SEC24A: variants seen among roughly 807,000 people sequenced by gnomAD.
The protein encoded by SEC24A is protein transport protein Sec24A.
SEC24A carries 93 observed loss-of-function variants against 129.4 expected under a neutral mutation model. The ratio of observed to expected loss-of-function variants is 0.72; its 90% CI spans 0.61 to 0.85. The LOEUF is 0.85. Ranked by LOEUF, SEC24A falls within the 40% of genes least tolerant of loss-of-function variation. The pLI, the probability that SEC24A is intolerant of heterozygous loss-of-function variation, is 0.00. For missense variants in SEC24A, 1,264 were observed against 1,307.4 expected, an observed-to-expected ratio of 0.97 and a Z score of 0.51; for synonymous variants, 460 against 467.3, an observed-to-expected ratio of 0.98 and a Z score of 0.20.
chr5:134,713,173 C>A (rs1453907500), intron 18 of SEC24A, among the ~76,000 whole-genome samples: 1 of 152,072 alleles, frequency 6.6e-6, no homozygotes, highest in Non-Finnish European at 1.5e-5. Flanking sequence ...CCTTGTGATC[C>A]ACCCGCCTCG....
At chr5:134,719,322 C>T (rs1159666248) in intron 20 of SEC24A, among the ~76,000 whole-genome samples, 2 of 147,084 alleles carry the variant, frequency 1.4e-5, no homozygotes, top group African/African-American at 5.1e-5. Flanking sequence ...GCTGAGGCTT[C>T]AGTAAGCTGA....
chr5:134,696,025 G>T (rs1026302351), intron 13 of SEC24A, among the ~76,000 whole-genome samples: 1 of 151,790 alleles, frequency 6.6e-6, no homozygotes, highest in Admixed American at 6.6e-5. Context: ...CCAGCACTTT[G>T]GGAGGCCGAG....
At chr5:134,687,959 A>G (rs1431396154) in intron 10 of SEC24A, among the ~76,000 whole-genome samples, 1 of 152,002 alleles carries the variant, frequency 6.6e-6, no homozygotes, top group Non-Finnish European at 1.5e-5. Context: ...GGATTGTTGT[A>G]TTATTGCTGT....
At chr5:134,652,949 C>T (rs1750114385) in intron 1 of SEC24A, among the ~76,000 whole-genome samples, 2 of 151,932 alleles carry the variant, frequency 1.3e-5, no homozygotes, top group Non-Finnish European at 2.9e-5. Flanking sequence ...TGCCCGCCAC[C>T]ACACCCGGCT....
At chr5:134,703,993 C>A in intron 16 of SEC24A, 61 bp downstream of exon 16, 1 of 1,137,652 alleles carries the variant, frequency 8.8e-7, no homozygotes, top group Non-Finnish European at 1.3e-6. Context: ...TTTCAAATGT[C>A]AAAATGGGCT....
intron 12 of SEC24A, 69 bp downstream of exon 12, chr5:134,692,726 T>G: frequency 2.1e-6 from 2 of 970,458 alleles, no homozygotes; most frequent in Non-Finnish European, 3.3e-6. Context: ...GAAATGAACT[T>G]TAAGTAAAAT....
chr5:134,698,898 A>C (rs975740283), intron 15 of SEC24A, among the ~76,000 whole-genome samples: 1 of 151,740 alleles, frequency 6.6e-6, no homozygotes, highest in African/African-American at 2.4e-5. Flanking sequence ...CTCCCAAGGC[A>C]CTGGGATTAC....
intron 2 of SEC24A, 150 bp from the exon 3 acceptor site, chr5:134,666,673 G>T (rs1750671491): frequency 6.6e-6 from 4 of 604,324 alleles, no homozygotes; most frequent in Non-Finnish European, 1.1e-5. Context: ...TTGAAAAATT[G>T]TAAATTTAGG....
chr5:134,721,193 A>G, intron 21 of SEC24A, 103 bp downstream of exon 21: 1 of 680,596 alleles, frequency 1.5e-6, no homozygotes. Context: ...AAATCATACC[A>G]AAAATTTTTA....
At chr5:134,652,673 C>T (rs2150065801) in intron 1 of SEC24A, among the ~76,000 whole-genome samples, 2 of 152,306 alleles carry the variant, frequency 1.3e-5, no homozygotes, top group South Asian at 4.1e-4. Context: ...CTGCAACCTC[C>T]ACCTCCCAGG....
At chr5:134,649,708 A>C (rs1190396056) in intron 1 of SEC24A, among the ~76,000 whole-genome samples, 1 of 152,176 alleles carries the variant, frequency 6.6e-6, no homozygotes, top group Non-Finnish European at 1.5e-5. Flanking sequence ...CAGCTGTGGA[A>C]AAACCAAATA....
chr5:134,671,875 G>A lies in SEC24A; in HGVS notation c.806G>A (p.Gly269Asp), dbSNP rs1750876650. 3 of 1,606,610 alleles carry A rather than the reference G, an allele frequency of 1.9e-6. No homozygotes were observed. Residue 269 changes from glycine to aspartate, a missense_variant, in exon 4 of 23, where the codon GGT becomes GAT. By Grantham distance (94) the Gly-to-Asp change is moderately conservative (BLOSUM62 -1). Coordinates refer to ENST00000398844, the MANE Select transcript of SEC24A (RefSeq NM_021982.3). ...VHSSYDEIEGGGLLATPQLTN... is the reference protein window; with the variant it reads ...VHSSYDEIEGDGLLATPQLTN... ...AGTAGTTACGACGAGATTGAAGGAG[G>A]TGGCTTATTGGGTGAGATGCTATGA... is the stretch of plus-strand genomic sequence containing the variant.
chr5:134,722,562 A>T (rs1343622465), intron 21 of SEC24A, among the ~76,000 whole-genome samples: 1 of 152,184 alleles, frequency 6.6e-6, no homozygotes, highest in Non-Finnish European at 1.5e-5. Flanking sequence ...ATTGCACTCC[A>T]GCCTGGGCAA....
intron 18 of SEC24A, among the ~76,000 whole-genome samples, chr5:134,712,801 G>A (rs1752366116): frequency 6.6e-6 from 1 of 150,968 alleles, no homozygotes; most frequent in Non-Finnish European, 1.5e-5. Flanking sequence ...TGTATTTTTA[G>A]TAGAGACGGG....
intron 1 of SEC24A, among the ~76,000 whole-genome samples, chr5:134,657,047 ATAATGGTGCACGCC>A (rs953792615): frequency 6.6e-6 from 1 of 151,834 alleles, no homozygotes; most frequent in African/African-American, 2.4e-5. Flanking sequence ...TTAGCCAGGC[ATAATGGTGCACGCC>A]TGTAGGCCCA....
At chr5:134,721,167 T>C in intron 21 of SEC24A, 77 bp downstream of exon 21, 2 of 844,158 alleles carry the variant, frequency 2.4e-6, no homozygotes, top group Non-Finnish European at 3.9e-6. Context: ...TATTTTGATA[T>C]CAGAAAATAA....
In SEC24A at chr5:134,671,865, A is replaced by T; in HGVS notation, c.796A>T (p.Ile266Phe). Residue 266 changes from isoleucine (I) to phenylalanine (F), a missense_variant, in exon 4 of 23, where the codon ATT becomes TTT. Physicochemically the swap from Ile to Phe is conservative, Grantham distance 21 (BLOSUM62 0). Coordinates refer to ENST00000398844, the MANE Select transcript of SEC24A (RefSeq NM_021982.3). Reference sequence around the variant, plus strand: ...GGTGGTCCACAGTAGTTACGACGAGATTGAAGGAGGTGGCTTATTGGGTGA... The same window carrying T: ...GGTGGTCCACAGTAGTTACGACGAGTTTGAAGGAGGTGGCTTATTGGGTGA... ...SMVVHSSYDE[I>F]EGGGLLATPQ... The T allele has an allele frequency of 6.2e-7, 1 of 1,609,106 alleles. No individual in the cohort carries two copies. The highest frequency in any genetic ancestry group is 8.5e-7 in the Non-Finnish European group (1 of 1,177,828).
At chr5:134,664,848 G>C (rs1334521512) in intron 2 of SEC24A, among the ~76,000 whole-genome samples, 1 of 121,614 alleles carries the variant, frequency 8.2e-6, no homozygotes, top group African/African-American at 3.1e-5. Flanking sequence ...GCCCAGGCTA[G>C]AGTGCAGTGG....
At chr5:134,665,453 C>T (rs1381382876) in intron 2 of SEC24A, among the ~76,000 whole-genome samples, 1 of 147,636 alleles carries the variant, frequency 6.8e-6, no homozygotes, top group Non-Finnish European at 1.5e-5. Context: ...GAGACTTCGT[C>T]TCAGAAAAAA....
Sources: gnomAD v4.1 joint callset for allele counts (sites outside exome capture counted in the v4.1 genomes callset) on GRCh38, gnomAD v4.1.1 for gene constraint, MANE v1.5 for transcripts, NCBI Gene and HGNC (gene_info 2026-07-23, HGNC 2026-07-21) for gene names.